TUSC3: variants seen among roughly 807,000 people sequenced by gnomAD.
TUSC3 encodes the protein dolichyl-diphosphooligosaccharide--protein glycosyltransferase subunit TUSC3.
A neutral mutation model predicts 44.8 loss-of-function variants in TUSC3; 45 were observed. That is an observed-to-expected ratio of 1.00 (90% confidence interval 0.79 to 1.29). The LOEUF is 1.29. Ranked by LOEUF, TUSC3 falls within the 50% of genes most tolerant of loss-of-function variation. The pLI is 0.00. For synonymous variants in TUSC3, 212 were observed against 152.9 expected, an observed-to-expected ratio of 1.39 and a Z score of -2.85; for missense variants, 519 against 437.9, an observed-to-expected ratio of 1.19 and a Z score of -1.65.
chr8:15,436,787 A>T (rs1305829696), intron 1 of TUSC3, among the ~76,000 whole-genome samples: 1 of 152,140 alleles, frequency 6.6e-6, no homozygotes, highest in Non-Finnish European at 1.5e-5. Context: ...CAGCTGTAAG[A>T]CTGTCTTACA....
chr8:15,533,689 C>G (rs879877350), intron 2 of TUSC3, among the ~76,000 whole-genome samples: 1 of 152,172 alleles, frequency 6.6e-6, no homozygotes, highest in Non-Finnish European at 1.5e-5. Flanking sequence ...AGAGGGGCTT[C>G]TGGCCAGCTT....
intron 6 of TUSC3, among the ~76,000 whole-genome samples, chr8:15,675,834 T>C (rs1808164474): frequency 6.6e-6 from 1 of 152,140 alleles, no homozygotes; most frequent in Admixed American, 6.6e-5. Context: ...TTATCCACAC[T>C]GTGGATGGAC....
intron 6 of TUSC3, among the ~76,000 whole-genome samples, chr8:15,708,607 A>T (rs778386697): frequency 5.3e-5 from 8 of 151,992 alleles, no homozygotes; most frequent in Non-Finnish European, 1.0e-4. Context: ...AGTTGATAAC[A>T]TATGCCATAA....
intron 6 of TUSC3, among the ~76,000 whole-genome samples, chr8:15,700,644 A>T (rs1809355887): frequency 6.6e-6 from 1 of 152,088 alleles, no homozygotes; most frequent in African/African-American, 2.4e-5. Context: ...TTGTTACTAG[A>T]TTATGAGGGA....
intron 7 of TUSC3, among the ~76,000 whole-genome samples, chr8:15,738,028 G>A (rs1017911855): frequency 9.9e-5 from 15 of 152,126 alleles, no homozygotes; most frequent in African/African-American, 3.6e-4. Context: ...AAATAATAGG[G>A]AGGGTTAGCG....
chr8:15,758,093 A>G, intron 10 of TUSC3: 1 of 1,286,158 alleles, frequency 7.8e-7, no homozygotes, highest in Non-Finnish European at 9.9e-7. Context: ...CATTTGACAG[A>G]TGCAATGCTT....
At chr8:15,581,251 C>A (rs1454675386) in intron 1 of TUSC3, among the ~76,000 whole-genome samples, 1 of 138,042 alleles carries the variant, frequency 7.2e-6, no homozygotes, top group African/African-American at 2.9e-5. Context: ...AACTTCTTTG[C>A]CTTTGGTTTG....
intron 1 of TUSC3, among the ~76,000 whole-genome samples, chr8:15,600,562 C>T (rs1804243159): frequency 6.6e-6 from 1 of 151,504 alleles, no homozygotes; most frequent in Non-Finnish European, 1.5e-5. Flanking sequence ...TTCTTGTTTG[C>T]TTTGTCTTAG....
At chr8:15,693,010 GAT>G (rs752239499) in intron 6 of TUSC3, among the ~76,000 whole-genome samples, 19 of 152,154 alleles carry the variant, frequency 1.2e-4, no homozygotes, top group Non-Finnish European at 2.4e-4. Context: ...TTGCTTGGTA[GAT>G]TTTCCTCCAT....
At chr8:15,797,737 G>C in the TUSC3 span, among the ~76,000 whole-genome samples, 1 of 152,176 alleles carries the variant, frequency 6.6e-6, no homozygotes, top group African/African-American at 2.4e-5. Flanking sequence ...AGATGCCTTG[G>C]TGCTGGGCCT....
chr8:15,799,676 A>G, the TUSC3 span, among the ~76,000 whole-genome samples: 1 of 152,194 alleles, frequency 6.6e-6, no homozygotes, highest in Non-Finnish European at 1.5e-5. Flanking sequence ...CCATCAGCCC[A>G]TAAAGTCCTC....
At chr8:15,771,386 T>C (rs552652352), downstream of TUSC3, among the ~76,000 whole-genome samples, 9 of 152,284 alleles carry the variant, frequency 5.9e-5, no homozygotes, top group African/African-American at 1.4e-4. Flanking sequence ...CAAAGGATTA[T>C]TGAAAAAGAA....
intron 1 of TUSC3, among the ~76,000 whole-genome samples, chr8:15,459,501 C>T (rs550816772): frequency 6.6e-6 from 1 of 151,924 alleles, no homozygotes; most frequent in South Asian, 2.1e-4. Flanking sequence ...TATTAGGGTA[C>T]AGGTGGTGTT....
At chr8:15,566,688 C>T (rs922777032) in intron 1 of TUSC3, among the ~76,000 whole-genome samples, 6 of 151,814 alleles carry the variant, frequency 4.0e-5, no homozygotes, top group African/African-American at 9.7e-5. Context: ...GGCACAATCA[C>T]AGCTCACGAC....
the TUSC3 span, among the ~76,000 whole-genome samples, chr8:15,851,525 TG>T: frequency 6.6e-6 from 1 of 152,162 alleles, no homozygotes; most frequent in African/African-American, 2.4e-5. Flanking sequence ...ATTTTACAGA[TG>T]AAGAAACTCT....
intron 2 of TUSC3, among the ~76,000 whole-genome samples, chr8:15,499,966 A>G (rs1272114049): frequency 6.6e-6 from 1 of 152,246 alleles, no homozygotes; most frequent in Non-Finnish European, 1.5e-5. Flanking sequence ...AATATAGATC[A>G]TATTTCCAGC....
intron 1 of TUSC3, among the ~76,000 whole-genome samples, chr8:15,469,778 G>T (rs1219998497): frequency 1.3e-5 from 2 of 152,012 alleles, no homozygotes; most frequent in Non-Finnish European, 2.9e-5. Context: ...GATAAACTGT[G>T]GTACATCCAG....
At chr8:15,499,598 T>C (rs1800930795) in intron 2 of TUSC3, among the ~76,000 whole-genome samples, 1 of 152,206 alleles carries the variant, frequency 6.6e-6, no homozygotes, top group Non-Finnish European at 1.5e-5. Context: ...CCAATGCTCA[T>C]TCTTGGTATG....
chr8:15,808,731 C>A, the TUSC3 span, among the ~76,000 whole-genome samples: 3 of 152,086 alleles, frequency 2.0e-5, no homozygotes, highest in African/African-American at 7.2e-5. Flanking sequence ...CTAAGCTCAG[C>A]TGTCAGTCAG....
Sources: allele counts gnomAD v4.1 joint callset (sites outside exome capture counted in the v4.1 genomes callset), GRCh38; gene constraint gnomAD v4.1.1; transcripts MANE v1.5; gene names NCBI Gene and HGNC (gene_info 2026-07-23, HGNC 2026-07-21).